Variants in GRPEL2 observed in about 807,000 individuals in gnomAD.
The protein encoded by GRPEL2 is grpE protein homolog 2, mitochondrial.
In GRPEL2, 18 loss-of-function variants were observed where a neutral mutation model predicts 25.9. The observed-to-expected ratio is 0.70, with a 90% CI of 0.48 to 1.03. The LOEUF (loss-of-function observed/expected upper bound fraction) is 1.03. GRPEL2 is among the 50% of genes least tolerant of loss of function. The pLI, the probability that GRPEL2 is intolerant of heterozygous loss-of-function variation, is 0.00. For missense variants in GRPEL2, 247 were observed against 276.2 expected (o/e 0.89, Z 0.75); for synonymous variants, 106 against 107.9 (o/e 0.98, Z 0.11).
At position 149,349,755 on chromosome 5, in the gene GRPEL2, TAA is replaced by T. The variant is rs752860375; in HGVS notation, c.313+24_313+25del. ...TATTTGGTGAGAGATTTATTTACAA[TAA>T]AAATGTCTTTGGTTGGGCACAGTGG... On this transcript the variant is annotated intron_variant, in intron 3 of 3. Transcript: ENST00000329271. The T allele has an allele frequency of 6.3e-7, 1 of 1,588,776 alleles. No homozygotes were observed. The highest frequency in any genetic ancestry group is 8.6e-7 in the Non-Finnish European group (1 of 1,157,530).
chr5:149,347,228 C>G (rs1284102468), intron 1 of GRPEL2, among the ~76,000 whole-genome samples: 3 of 152,188 alleles, frequency 2.0e-5, no homozygotes, highest in Non-Finnish European at 2.9e-5. Flanking sequence ...TAAAAGTCCT[C>G]TTGCTTACAC....
Position 149,345,735 on chromosome 5 carries a change from T to G in GRPEL2, c.77+119T>G, listed in dbSNP as rs1327959513. On this transcript the variant is annotated intron_variant, in intron 1 of 3. Transcript: ENST00000329271. ...TGAGCGTAGGCCAGGGGACCAAGCT[T>G]CTCGGCCTCTACGACCGTGCACTCA... 1.5e-5 allele frequency: 12 copies of G among 798,702 alleles called. No homozygotes were observed. In the South Asian group the frequency reaches 2.0e-4, roughly 14 times the overall value. The allele number at this position is 798,702 out of a possible 1,614,324, so 49.5% of individuals were successfully genotyped here. A position where few individuals can be genotyped will look rare whatever the true frequency, so the allele number is the denominator to read the frequency against.
Position 149,353,100 on chromosome 5 carries a change from A to G in GRPEL2, c.*1818A>G, listed in dbSNP as rs1482267682. The stretch of plus-strand genomic sequence containing the variant: ...TCTAAGACAGCACACAAACTTATCA[A>G]TAAAGCCATCTCCTTGTGGGCCTTA... On this transcript the variant is annotated 3_prime_UTR_variant, in exon 4 of 4. Coordinates refer to ENST00000329271, the MANE Select transcript of GRPEL2 (RefSeq NM_152407.4). 1 of 152,698 alleles carries G rather than the reference A, an allele frequency of 6.5e-6. No individual in the cohort carries two copies. Among genetic ancestry groups the G allele is most frequent in the Non-Finnish European group, 1.5e-5 (1 of 68,056 alleles). 9.5% of individuals were successfully genotyped at this position (152,698 alleles called of 1,614,324 possible). A position where few individuals can be genotyped will look rare whatever the true frequency, so the allele number is the denominator to read the frequency against.
chr5:149,351,315 G>T lies in GRPEL2; in HGVS notation c.*33G>T. ...ATCAGGAACTGGATGTTCTCCCAGAGCGCAGTCACCTATGTTTCTTTTATT... is the reference window on the plus strand; with the variant it reads ...ATCAGGAACTGGATGTTCTCCCAGATCGCAGTCACCTATGTTTCTTTTATT... On this transcript the variant is annotated 3_prime_UTR_variant, in exon 4 of 4. Transcript: ENST00000329271. 6.4e-7 allele frequency: 1 copy of T among 1,573,978 alleles called. No homozygotes were observed.
chr5:149,351,138 T>G lies in GRPEL2; in HGVS notation c.534T>G (p.His178Gln). The stretch of plus-strand genomic sequence containing the variant: ...GTGACAAATATGACCCCCATGAGCA[T>G]GAACTCATCTGTCATGTGCCAGCTG... ...PIGDKYDPHE[H>Q]ELICHVPAGV... The change falls in exon 4 of 4, where the codon CAT (histidine) becomes CAG (glutamine). Residue 178 changes from histidine (H) to glutamine (Q), a missense_variant. By Grantham distance (24) the His-to-Gln change is conservative. This residue lies in a region of GRPEL2 where 122 missense variants were observed against 169.2 expected (regional missense o/e 0.72). Coordinates refer to ENST00000329271, the MANE Select transcript of GRPEL2 (RefSeq NM_152407.4). 1 of 1,614,186 alleles carries G rather than the reference T, an allele frequency of 6.2e-7. No individual in the cohort carries two copies.
chr5:149,350,860 A>G (rs532415277), intron 3 of GRPEL2, 58 bp from the exon 4 acceptor site: 63 of 1,576,372 alleles, frequency 4.0e-5, no homozygotes, highest in Middle Eastern at 1.7e-4. Flanking sequence ...CCCAAACTCT[A>G]TGCCCACGGG....
rs1757802321 is a variant in GRPEL2, at chr5:149,353,209, T to C, written c.*1927T>C. On this transcript the variant is annotated 3_prime_UTR_variant, in exon 4 of 4. Transcript: ENST00000329271. ...ATCAAAAGACTGGTGGTTAAGCTTG[T>C]AAAACCAGAACATCTTTTGGCATTC... The C allele has an allele frequency of 1.3e-5, 2 of 152,668 alleles. No homozygotes were observed. The highest frequency in any genetic ancestry group is 4.1e-4 in the South Asian group (2 of 4,836). The allele number at this position is 152,668 out of a possible 1,614,324, so 9.5% of individuals were successfully genotyped here.
Position 149,353,590 on chromosome 5 carries a change from T to TTTTTGG in GRPEL2, c.*2312_*2313insGGTTTT, listed in dbSNP as rs548736231. On this transcript the variant is annotated 3_prime_UTR_variant, in exon 4 of 4. Coordinates refer to ENST00000329271, the MANE Select transcript of GRPEL2 (RefSeq NM_152407.4). ...TTGGTTTTTGGTTTTTGGTTTTTGGTTTTTTTTTTTTGGTTGGTTGGTTGT... is the reference window on the plus strand; with the variant it reads ...TTGGTTTTTGGTTTTTGGTTTTTGGTTTTTGGTTTTTTTTTTTGGTTGGTTGGTTGT... 1 of 137,012 alleles carries TTTTTGG rather than the reference T, an allele frequency of 7.3e-6. No homozygotes were observed. The highest frequency in any genetic ancestry group is 2.8e-5 in the African/African-American group (1 of 35,388). 8.5% of individuals were successfully genotyped at this position (137,012 alleles called of 1,614,324 possible).
chr5:149,349,029 C>G (rs1757733727), intron 2 of GRPEL2, among the ~76,000 whole-genome samples: 1 of 151,472 alleles, frequency 6.6e-6, no homozygotes, highest in Non-Finnish European at 1.5e-5. Flanking sequence ...TAGTTTCACT[C>G]TTGTTGTCCA....
chr5:149,347,062 A>G (rs1424406928), intron 1 of GRPEL2, among the ~76,000 whole-genome samples: 2 of 152,036 alleles, frequency 1.3e-5, no homozygotes, highest in African/African-American at 4.8e-5. Flanking sequence ...AAGTGGATAA[A>G]TGTGGTTTTT....
intron 1 of GRPEL2, among the ~76,000 whole-genome samples, chr5:149,347,877 T>C (rs566340294): frequency 1.1e-4 from 16 of 152,346 alleles, no homozygotes; most frequent in South Asian, 1.0e-3. Context: ...CCTCTGGTTC[T>C]GGGTACTAGC....
At chr5:149,348,181 C>T in intron 1 of GRPEL2, 91 bp from the exon 2 acceptor site, 1 of 1,158,344 alleles carries the variant, frequency 8.6e-7, no homozygotes, top group Non-Finnish European at 1.2e-6. Context: ...CCAGAGATTC[C>T]ATCTGGGAAG....
Position 149,345,588 on chromosome 5 carries a change from C to G in GRPEL2, c.49C>G (p.Leu17Val), listed in dbSNP as rs1455813510. The G allele has an allele frequency of 2.5e-6, 4 of 1,611,736 alleles. No homozygotes were observed. The change falls in exon 1 of 4, where the codon CTG (leucine) becomes GTG (valine). Residue 17 changes from leucine to valine, a missense_variant. Leu to Val is a conservative substitution (Grantham distance 32). This residue lies in a region of GRPEL2 where 125 missense variants were observed against 107.0 expected (regional missense o/e 1.17). Transcript: ENST00000329271. ...WAGRLRVQRL[L>V]AWSAAWESKG... ...GGGCCGGCTGCGGGTGCAGCGCCTA[C>G]TGGCCTGGAGTGCCGCGTGGGAGAG...
At position 149,354,278 on chromosome 5, in the gene GRPEL2, A is replaced by C. The variant is rs538064719; in HGVS notation, c.*2996A>C. ...TATAGTGAAAAGACATTGACTTGAGATGATACTAAGGAAGCTTTGGCTCAC... is the reference window on the plus strand; with the variant it reads ...TATAGTGAAAAGACATTGACTTGAGCTGATACTAAGGAAGCTTTGGCTCAC... On this transcript the variant is annotated 3_prime_UTR_variant, in exon 4 of 4. Transcript: ENST00000329271. The C allele has an allele frequency of 6.6e-6, 1 of 152,184 alleles. No individual in the cohort carries two copies. Among genetic ancestry groups the C allele is most frequent in the Non-Finnish European group, 1.5e-5 (1 of 68,040 alleles). 9.4% of individuals were successfully genotyped at this position (152,184 alleles called of 1,614,324 possible).
rs201678966 is a variant in GRPEL2 at position 149,348,232 on chromosome 5, T to C, written c.78-40T>C. 7.2e-5 allele frequency: 112 copies of C among 1,550,092 alleles called. 1 individual carries two copies. The East Asian group carries it at 2.5e-3, about 35-fold the overall frequency. On this transcript the variant is annotated intron_variant, in intron 1 of 3. Coordinates refer to ENST00000329271, the MANE Select transcript of GRPEL2 (RefSeq NM_152407.4). The stretch of plus-strand genomic sequence containing the variant: ...ACTTGGTTGTAATTTTGGCTTATGA[T>C]GGCATTTCTTCATTATGTGCCACCT...
intron 3 of GRPEL2, among the ~76,000 whole-genome samples, chr5:149,350,610 G>A (rs1299770975): frequency 6.6e-6 from 1 of 152,212 alleles, no homozygotes; most frequent in African/African-American, 2.4e-5. Flanking sequence ...AAAAATTCAT[G>A]TACATAAAAA....
Position 149,353,287 on chromosome 5 carries a change from T to C in GRPEL2, c.*2005T>C, listed in dbSNP as rs928038049. ...AACAATCAAGGTTCACAATAGGAAG[T>C]TGTCTTTTTTTGCCTTCCATTCTGT... On this transcript the variant is annotated 3_prime_UTR_variant, in exon 4 of 4. Coordinates refer to ENST00000329271, the MANE Select transcript of GRPEL2 (RefSeq NM_152407.4). The C allele has an allele frequency of 6.6e-6, 1 of 152,628 alleles. No homozygotes were observed. Among genetic ancestry groups the C allele is most frequent in the Non-Finnish European group, 1.5e-5 (1 of 68,044 alleles). 9.5% of individuals were successfully genotyped at this position (152,628 alleles called of 1,614,324 possible). A position where few individuals can be genotyped will look rare whatever the true frequency, so the allele number is the denominator to read the frequency against.
rs1212458914 is a variant in GRPEL2 at position 149,354,042 on chromosome 5, T to C, written c.*2760T>C. ...TTATTTTTTTATTATGCACATTGTT[T>C]TTCCTGCCTTTTTATGGCTGTCTAA... On this transcript the variant is annotated 3_prime_UTR_variant, in exon 4 of 4. Transcript: ENST00000329271. 2 of 152,266 alleles carry C rather than the reference T, an allele frequency of 1.3e-5. No individual in the cohort carries two copies. Among genetic ancestry groups the C allele is most frequent in the African/African-American group, 4.8e-5 (2 of 41,476 alleles). The allele number at this position is 152,266 out of a possible 1,614,324, so 9.4% of individuals were successfully genotyped here.
At position 149,352,444 on chromosome 5, in the gene GRPEL2, GTTTTTT is replaced by G. The variant is rs34012190; in HGVS notation, c.*1168_*1173del. The G allele has an allele frequency of 2.8e-5, 4 of 143,346 alleles. No homozygotes were observed. The highest frequency in any genetic ancestry group is 6.1e-5 in the Non-Finnish European group (4 of 65,390). The allele number at this position is 143,346 out of a possible 1,614,324, so 8.9% of individuals were successfully genotyped here. A position where few individuals can be genotyped will look rare whatever the true frequency, so the allele number is the denominator to read the frequency against. On this transcript the variant is annotated 3_prime_UTR_variant, in exon 4 of 4. Transcript: ENST00000329271. ...ACTGCGCCCGCAAAGTTTTTTTGTTGTTTTTTTTTTTAAGTTGGTACTCACAAATCA... is the reference window on the plus strand; with the variant it reads ...ACTGCGCCCGCAAAGTTTTTTTGTTGTTTTTAAGTTGGTACTCACAAATCA...
Sources: allele counts gnomAD v4.1 joint callset (sites outside exome capture counted in the v4.1 genomes callset), GRCh38; gene constraint gnomAD v4.1.1; regional missense constraint gnomAD v4.1.1; transcripts MANE v1.5; gene names NCBI Gene and HGNC (gene_info 2026-07-23, HGNC 2026-07-21).